Variants in SAMD5 observed in about 807,000 individuals in gnomAD.
The protein encoded by SAMD5 is sterile alpha motif domain containing 5.
In SAMD5, 13 loss-of-function variants were observed where a neutral mutation model predicts 11.3. The observed-to-expected ratio is 1.15, with a 90% CI of 0.75 to 1.83. The LOEUF is 1.83. SAMD5 is among the 40% of genes most tolerant of loss of function. The pLI is 0.00. For missense variants in SAMD5, 255 were observed against 239.1 expected, an observed-to-expected ratio of 1.07 and a Z score of -0.44; for synonymous variants, 129 against 111.3, an observed-to-expected ratio of 1.16 and a Z score of -1.00.
chr6:147,652,505 G>C (rs1156870088), intron 1 of SAMD5, among the ~76,000 whole-genome samples: 1 of 152,148 alleles, frequency 6.6e-6, no homozygotes, highest in Non-Finnish European at 1.5e-5. Context: ...TCATGGAGGA[G>C]GCTCCCTGGT....
rs189278658 is a variant in SAMD5, at chr6:147,684,936, T to A, written c.163-52381T>A. On this transcript the variant is annotated intron_variant, in intron 1 of 1. Coordinates refer to the SAMD5 transcript ENST00000566741. ...TGAAAAAATTAGTAAAACTAAATCT[T>A]ATTTAGTTCACTGTAATTTAAAGCA... 4.9e-4 allele frequency among the ~76,000 whole-genome samples: 75 copies of A among 152,306 alleles called. No individual in the cohort carries two copies. In the Middle Eastern group the frequency reaches 0.014, roughly 28 times the overall value.
intron 1 of SAMD5, among the ~76,000 whole-genome samples, chr6:147,657,645 C>T (rs1583127307): frequency 1.3e-5 from 2 of 152,278 alleles, no homozygotes; most frequent in East Asian, 1.9e-4. Context: ...TCTGGAGGCT[C>T]GGAAGTCCAG....
chr6:147,800,832 T>C, the SAMD5 span, among the ~76,000 whole-genome samples: 1 of 152,178 alleles, frequency 6.6e-6, no homozygotes, highest in Non-Finnish European at 1.5e-5. Flanking sequence ...AAGTAAACCA[T>C]GTGCATTTGT....
the SAMD5 span, among the ~76,000 whole-genome samples, chr6:147,826,902 G>A: frequency 1.3e-5 from 2 of 152,166 alleles, no homozygotes; most frequent in African/African-American, 4.8e-5. Context: ...ACATGCAGCA[G>A]TGGGTTTTGC....
At chr6:147,721,533 T>G (rs942497746) in intron 1 of SAMD5, among the ~76,000 whole-genome samples, 3 of 152,224 alleles carry the variant, frequency 2.0e-5, no homozygotes, top group African/African-American at 7.2e-5. Context: ...TTTGCCCACT[T>G]TTTGATGGGG....
At chr6:147,599,690 T>C (rs1789587286) in intron 1 of SAMD5, among the ~76,000 whole-genome samples, 1 of 152,190 alleles carries the variant, frequency 6.6e-6, no homozygotes, top group Non-Finnish European at 1.5e-5. Context: ...TCAGTTCATA[T>C]TTCTGTTCCA....
At chr6:147,716,662 T>C (rs1165873388) in intron 1 of SAMD5, among the ~76,000 whole-genome samples, 3 of 152,196 alleles carry the variant, frequency 2.0e-5, no homozygotes, top group African/African-American at 7.2e-5. Context: ...CAGCCCCAGC[T>C]ACACCTCCCA....
the SAMD5 span, among the ~76,000 whole-genome samples, chr6:147,820,989 G>A: frequency 0.13 from 19,760 of 152,206 alleles, 1,410 homozygotes; most frequent in Middle Eastern, 0.17. Flanking sequence ...TTCTTAATGT[G>A]TGAAGTTTTA....
At chr6:147,598,993 G>A (rs755838088) in intron 1 of SAMD5, among the ~76,000 whole-genome samples, 12 of 152,206 alleles carry the variant, frequency 7.9e-5, no homozygotes, top group Non-Finnish European at 1.3e-4. Flanking sequence ...AGTAATGAAC[G>A]CTGACACTGT....
intron 1 of SAMD5, among the ~76,000 whole-genome samples, chr6:147,561,414 C>T (rs985709343): frequency 6.6e-6 from 1 of 152,150 alleles, no homozygotes; most frequent in Non-Finnish European, 1.5e-5. Context: ...TCTCGATCTC[C>T]TAACCTACCT....
chr6:147,588,765 T>A (rs1656625488), intron 1 of SAMD5, among the ~76,000 whole-genome samples: 3 of 152,168 alleles, frequency 2.0e-5, no homozygotes, highest in Admixed American at 2.0e-4. Flanking sequence ...GCTTACTTAT[T>A]ATAAGGATCA....
chr6:147,937,888 A>G, the SAMD5 span, among the ~76,000 whole-genome samples: 18 of 152,316 alleles, frequency 1.2e-4, no homozygotes, highest in East Asian at 3.1e-3. Flanking sequence ...ACACACATAT[A>G]TATATACACA....
intron 1 of SAMD5, among the ~76,000 whole-genome samples, chr6:147,582,990 G>T (rs1298622716): frequency 6.6e-6 from 1 of 152,200 alleles, no homozygotes; most frequent in Non-Finnish European, 1.5e-5. Flanking sequence ...TGGGATCTGG[G>T]TGGCATCAGT....
At chr6:147,741,139 G>C (rs375741004), downstream of SAMD5, among the ~76,000 whole-genome samples, 7 of 152,258 alleles carry the variant, frequency 4.6e-5, no homozygotes, top group African/African-American at 1.4e-4. Flanking sequence ...TTTACAGTAA[G>C]ACATATGGAC....
the SAMD5 span, among the ~76,000 whole-genome samples, chr6:147,816,271 A>C: frequency 8.5e-6 from 1 of 117,728 alleles, no homozygotes; most frequent in African/African-American, 3.4e-5. Context: ...CAAGAGTGAA[A>C]CTCCGTCTCC....
At chr6:147,909,618 TTC>T in the SAMD5 span, among the ~76,000 whole-genome samples, 3 of 76,418 alleles carry the variant, frequency 3.9e-5, no homozygotes, top group African/African-American at 2.5e-4. Context: ...CTTTCTTTCT[TTC>T]TTTCTTTCTT....
the SAMD5 span, among the ~76,000 whole-genome samples, chr6:147,750,797 A>C: frequency 1.3e-5 from 2 of 152,148 alleles, no homozygotes; most frequent in Non-Finnish European, 2.9e-5. Flanking sequence ...TGGCACATGC[A>C]TGTAGTCCCA....
chr6:147,946,159 G>A, the SAMD5 span, among the ~76,000 whole-genome samples: 12 of 152,250 alleles, frequency 7.9e-5, no homozygotes, highest in African/African-American at 2.2e-4. Flanking sequence ...CAACCCTTGA[G>A]TATGTTCCAA....
intron 1 of SAMD5, among the ~76,000 whole-genome samples, chr6:147,726,484 G>C (rs558238692): frequency 1.3e-5 from 2 of 152,240 alleles, no homozygotes; most frequent in South Asian, 4.1e-4. Context: ...TTCAGATGAG[G>C]TTTCAGAGGC....
Sources: gnomAD v4.1 joint callset for allele counts (sites outside exome capture counted in the v4.1 genomes callset) on GRCh38, gnomAD v4.1.1 for gene constraint, MANE v1.5 for transcripts, NCBI Gene and HGNC (gene_info 2026-07-23, HGNC 2026-07-21) for gene names.